CSMD1: variants seen among roughly 807,000 people sequenced by gnomAD.
CSMD1 encodes the protein CUB and Sushi multiple domains 1.
A neutral mutation model predicts 417.5 loss-of-function variants in CSMD1; 213 were observed. The ratio of observed to expected loss-of-function variants is 0.51; its 90% CI spans 0.46 to 0.57. The LOEUF is 0.57. CSMD1 is among the 20% of genes least tolerant of loss of function. The probability of loss-of-function intolerance (pLI) is 0.00; values close to 1 mark genes in which losing one functional copy is unlikely to be tolerated. For missense variants in CSMD1, 6,923 were observed against 4,529.7 expected (o/e 1.53, Z -15.17); for synonymous variants, 2,862 against 1,736.8 (o/e 1.65, Z -16.11).
chr8:3,097,577 G>A (rs746140612), intron 46 of CSMD1, among the ~76,000 whole-genome samples: 5 of 152,208 alleles, frequency 3.3e-5, no homozygotes, highest in Non-Finnish European at 7.3e-5. Flanking sequence ...GGATATACTG[G>A]ACAAAGCTGG....
chr8:4,847,571 C>T (rs1214200943), intron 1 of CSMD1, among the ~76,000 whole-genome samples: 1 of 152,096 alleles, frequency 6.6e-6, no homozygotes, highest in Non-Finnish European at 1.5e-5. Flanking sequence ...AGAGTCCATA[C>T]TCTATTCAGA....
At chr8:4,829,725 G>A (rs1277697992) in intron 1 of CSMD1, among the ~76,000 whole-genome samples, 3 of 135,062 alleles carry the variant, frequency 2.2e-5, no homozygotes, top group South Asian at 2.6e-4. Context: ...ATGGCAGAGT[G>A]AGACCCTGTC....
chr8:3,981,271 C>G (rs1813839886), intron 5 of CSMD1, among the ~76,000 whole-genome samples: 1 of 152,028 alleles, frequency 6.6e-6, no homozygotes, highest in African/African-American at 2.4e-5. Flanking sequence ...TATGTACTCA[C>G]TGATATGTGG....
intron 3 of CSMD1, among the ~76,000 whole-genome samples, chr8:4,396,518 G>A (rs779764301): frequency 9.2e-5 from 14 of 151,946 alleles, no homozygotes; most frequent in African/African-American, 3.1e-4. Flanking sequence ...AAAAGCATAC[G>A]AAGAAGATAC....
At chr8:3,953,054 AAAG>A (rs1258360108) in intron 5 of CSMD1, among the ~76,000 whole-genome samples, 1 of 152,118 alleles carries the variant, frequency 6.6e-6, no homozygotes, top group Non-Finnish European at 1.5e-5. Context: ...TAATCAATGA[AAAG>A]AACAGAAAAG....
intron 1 of CSMD1, among the ~76,000 whole-genome samples, chr8:4,978,344 G>C (rs557714288): frequency 6.6e-6 from 1 of 152,202 alleles, no homozygotes; most frequent in African/African-American, 2.4e-5. Flanking sequence ...GGAATCTAAA[G>C]CCAGAAGGAA....
At chr8:4,331,620 C>G (rs1438290652) in intron 3 of CSMD1, among the ~76,000 whole-genome samples, 1 of 152,138 alleles carries the variant, frequency 6.6e-6, no homozygotes, top group Non-Finnish European at 1.5e-5. Flanking sequence ...TGGCTTTCTT[C>G]TGTCATGAAA....
At chr8:4,330,891 G>A (rs1424037034) in intron 3 of CSMD1, among the ~76,000 whole-genome samples, 2 of 152,024 alleles carry the variant, frequency 1.3e-5, no homozygotes, top group Non-Finnish European at 2.9e-5. Context: ...CTCTCAGAAA[G>A]CTTCATTATG....
chr8:3,536,559 G>A (rs1798208584), intron 10 of CSMD1, among the ~76,000 whole-genome samples: 2 of 152,160 alleles, frequency 1.3e-5, no homozygotes, highest in African/African-American at 4.8e-5. Context: ...CTGGTTCCTG[G>A]TAGAAATTCA....
intron 50 of CSMD1, among the ~76,000 whole-genome samples, chr8:3,038,587 T>C (rs906808319): frequency 2.0e-5 from 3 of 152,224 alleles, no homozygotes; most frequent in South Asian, 2.1e-4. Flanking sequence ...AGGTTTCACA[T>C]GTTGCCTGCT....
chr8:3,822,747 T>C (rs1801809509), intron 5 of CSMD1, among the ~76,000 whole-genome samples: 2 of 152,078 alleles, frequency 1.3e-5, no homozygotes, highest in African/African-American at 4.8e-5. Flanking sequence ...GGCACCAAAG[T>C]GGAAATACAG....
intron 5 of CSMD1, among the ~76,000 whole-genome samples, chr8:3,882,871 T>A (rs1295893050): frequency 6.6e-6 from 1 of 152,082 alleles, no homozygotes; most frequent in African/African-American, 2.4e-5. Context: ...TACCCCTGAG[T>A]TGGGACTGAC....
chr8:4,747,615 C>G (rs923327262), intron 1 of CSMD1, among the ~76,000 whole-genome samples: 1 of 152,170 alleles, frequency 6.6e-6, no homozygotes, highest in Non-Finnish European at 1.5e-5. Context: ...TCTCTTTATT[C>G]TGGAGTTAGC....
At position 4,466,211 on chromosome 8, in the gene CSMD1, G is replaced by A. The variant is rs191336411; in HGVS notation, c.303-46146C>T. 1.8e-3 allele frequency among the ~76,000 whole-genome samples: 278 copies of A among 152,210 alleles called. 1 individual carries two copies. Among genetic ancestry groups the A allele is most frequent in the African/African-American group, 6.4e-3 (267 of 41,524 alleles). The stretch of plus-strand genomic sequence containing the variant: ...GATTGGGCATGATGCTTTTATAATA[G>A]TGAGACAGGGATCTCTCCTGGCTAT... On this transcript the variant is annotated intron_variant, in intron 2 of 69. Coordinates refer to ENST00000635120, the MANE Select transcript of CSMD1 (RefSeq NM_033225.6).
At chr8:3,835,562 C>T (rs143455611) in intron 5 of CSMD1, among the ~76,000 whole-genome samples, 1 of 152,090 alleles carries the variant, frequency 6.6e-6, no homozygotes, top group African/African-American at 2.4e-5. Flanking sequence ...ACCTCAGGGA[C>T]TGTTGTGGGG....
chr8:3,355,018 G>A (rs1324601018), intron 21 of CSMD1, among the ~76,000 whole-genome samples: 1 of 142,816 alleles, frequency 7.0e-6, no homozygotes, highest in East Asian at 2.0e-4. Flanking sequence ...TAAAATACAG[G>A]CAAGATATTT....
In CSMD1 at chr8:3,998,017, G is replaced by C. The variant is rs774768574; in HGVS notation, c.704C>G (p.Thr235Ser). The C allele has an allele frequency of 3.1e-6, 5 of 1,608,276 alleles. No homozygotes were observed. The highest frequency in any genetic ancestry group is 1.3e-5 in the African/African-American group (1 of 74,968). The change falls in exon 5 of 70, where the codon ACC becomes AGC. Residue 235 changes from threonine to serine, a missense_variant. Thr to Ser is a moderately conservative substitution (Grantham distance 58). Coordinates refer to ENST00000635120, the MANE Select transcript of CSMD1 (RefSeq NM_033225.6). ...PSEYENNADCTWTILAEPGDT... is the reference protein window; with the variant it reads ...PSEYENNADCSWTILAEPGDT... ...CCCGGGCTCAGCCAGAATGGTCCAG[G>C]TGCAGTCCGCGTTGTTCTCGTACTC...
At chr8:3,808,672 G>A (rs1263224539) in intron 5 of CSMD1, among the ~76,000 whole-genome samples, 3 of 152,086 alleles carry the variant, frequency 2.0e-5, no homozygotes, top group Non-Finnish European at 2.9e-5. Flanking sequence ...TTGTTTGTAG[G>A]ATATTTCTGA....
intron 3 of CSMD1, among the ~76,000 whole-genome samples, chr8:4,121,991 A>G (rs1290896423): frequency 6.6e-6 from 1 of 152,058 alleles, no homozygotes; most frequent in African/African-American, 2.4e-5. Flanking sequence ...ATTTACTAAA[A>G]TATTTTTAAT....
Sources: gnomAD v4.1 joint callset for allele counts (sites outside exome capture counted in the v4.1 genomes callset) on GRCh38, gnomAD v4.1.1 for gene constraint, MANE v1.5 for transcripts, NCBI Gene and HGNC (gene_info 2026-07-23, HGNC 2026-07-21) for gene names.